SEMA6D: variants seen among roughly 807,000 people sequenced by gnomAD.
The protein encoded by SEMA6D is semaphorin 6D, also known as semaphorin-6D.
A neutral mutation model predicts 106.6 loss-of-function variants in SEMA6D; 35 were observed. The observed-to-expected ratio is 0.33, with a 90% confidence interval of 0.25 to 0.44. The LOEUF is 0.44. Ranked by LOEUF, SEMA6D falls within the 20% of genes least tolerant of loss-of-function variation. The pLI, the probability that SEMA6D is intolerant of heterozygous loss-of-function variation, is 1.00. For missense variants in SEMA6D, 1,185 were observed against 1,345.9 expected, an observed-to-expected ratio of 0.88 and a Z score of 1.87; for synonymous variants, 499 against 487.7, an observed-to-expected ratio of 1.02 and a Z score of -0.31.
intron 1 of SEMA6D, among the ~76,000 whole-genome samples, chr15:47,338,281 C>G (rs1244651503): frequency 6.6e-6 from 1 of 152,148 alleles, no homozygotes; most frequent in Non-Finnish European, 1.5e-5. Flanking sequence ...GAAAGAGGTT[C>G]AGACCACTGT....
chr15:47,309,688 T>C (rs1435628376), intron 1 of SEMA6D, among the ~76,000 whole-genome samples: 1 of 152,186 alleles, frequency 6.6e-6, no homozygotes, highest in Non-Finnish European at 1.5e-5. Flanking sequence ...CCTGACATAC[T>C]GTACATCTTA....
chr15:47,685,710 G>A (rs1007790851), intron 4 of SEMA6D, among the ~76,000 whole-genome samples: 1 of 152,138 alleles, frequency 6.6e-6, no homozygotes, highest in African/African-American at 2.4e-5. Flanking sequence ...AACCAACACA[G>A]CTATGGTAGA....
At chr15:47,225,141 A>G (rs2031547824) in intron 1 of SEMA6D, among the ~76,000 whole-genome samples, 2 of 151,932 alleles carry the variant, frequency 1.3e-5, no homozygotes, top group South Asian at 4.1e-4. Flanking sequence ...GACTTGAGGA[A>G]GAAGGTACAA....
chr15:47,707,865 C>G (rs2078942842), intron 4 of SEMA6D, among the ~76,000 whole-genome samples: 1 of 152,200 alleles, frequency 6.6e-6, no homozygotes, highest in Admixed American at 6.5e-5. Context: ...ATTATCCCCC[C>G]ATTAACCTTT....
intron 3 of SEMA6D, among the ~76,000 whole-genome samples, chr15:47,585,223 A>G (rs375850188): frequency 2.0e-5 from 3 of 152,244 alleles, no homozygotes; most frequent in East Asian, 3.8e-4. Flanking sequence ...AAGTGCATCA[A>G]AATGGAAATT....
chr15:47,764,574 T>C, intron 11 of SEMA6D, 64 bp from the exon 12 acceptor site: 1 of 1,588,864 alleles, frequency 6.3e-7, no homozygotes, highest in Non-Finnish European at 8.6e-7. Context: ...ACTTATTCCT[T>C]AGATACAGTA....
intron 4 of SEMA6D, among the ~76,000 whole-genome samples, chr15:47,620,662 G>C (rs866374675): frequency 6.6e-6 from 1 of 151,678 alleles, no homozygotes; most frequent in East Asian, 1.9e-4. Flanking sequence ...GGAAGTGGTC[G>C]TTGTGGCTGA....
At chr15:47,360,799 A>G (rs1202099217) in intron 1 of SEMA6D, among the ~76,000 whole-genome samples, 1 of 152,274 alleles carries the variant, frequency 6.6e-6, no homozygotes, top group Non-Finnish European at 1.5e-5. Context: ...AATGAATATG[A>G]AAGAAAGTAA....
intron 4 of SEMA6D, among the ~76,000 whole-genome samples, chr15:47,617,431 G>C (rs1478228772): frequency 6.6e-6 from 1 of 152,154 alleles, no homozygotes; most frequent in Non-Finnish European, 1.5e-5. Context: ...GAAGGGGTCA[G>C]TAAAAACTTC....
intron 1 of SEMA6D, among the ~76,000 whole-genome samples, chr15:47,203,437 GTTC>G (rs1566923498): frequency 6.6e-6 from 1 of 152,182 alleles, no homozygotes; most frequent in Admixed American, 6.5e-5. Flanking sequence ...TTTTTCATCT[GTTC>G]TTCTGAGGGC....
At chr15:47,695,234 A>G (rs902567140) in intron 4 of SEMA6D, among the ~76,000 whole-genome samples, 4 of 152,232 alleles carry the variant, frequency 2.6e-5, no homozygotes, top group African/African-American at 9.6e-5. Flanking sequence ...TTTCAAAGGC[A>G]GAAAAGAAAA....
At chr15:47,290,978 T>G (rs983519850) in intron 1 of SEMA6D, among the ~76,000 whole-genome samples, 2 of 152,236 alleles carry the variant, frequency 1.3e-5, no homozygotes, top group African/African-American at 2.4e-5. Context: ...TGATACCGTC[T>G]CTTGTAATGA....
At chr15:47,262,164 C>A (rs750935302) in intron 1 of SEMA6D, among the ~76,000 whole-genome samples, 1 of 152,050 alleles carries the variant, frequency 6.6e-6, no homozygotes, top group Non-Finnish European at 1.5e-5. Flanking sequence ...AACGACAAAC[C>A]ACTGCTCAAA....
intron 3 of SEMA6D, among the ~76,000 whole-genome samples, chr15:47,475,791 T>C (rs1290067591): frequency 6.6e-6 from 1 of 152,242 alleles, no homozygotes; most frequent in African/African-American, 2.4e-5. Context: ...AATTACTTTT[T>C]CCAAAGTTTG....
At chr15:47,381,669 A>G (rs898333203) in intron 1 of SEMA6D, among the ~76,000 whole-genome samples, 1 of 152,238 alleles carries the variant, frequency 6.6e-6, no homozygotes, top group African/African-American at 2.4e-5. Context: ...GATGAGTAAA[A>G]TAACAGTTGT....
intron 16 of SEMA6D, 117 bp downstream of exon 16, chr15:47,766,794 C>G: frequency 1.3e-6 from 1 of 743,612 alleles, no homozygotes; most frequent in Non-Finnish European, 2.2e-6. Flanking sequence ...TAGCATTTAA[C>G]TTAAACTTCG....
chr15:47,449,665 G>T (rs779540028), intron 2 of SEMA6D, among the ~76,000 whole-genome samples: 7 of 152,038 alleles, frequency 4.6e-5, no homozygotes, highest in Non-Finnish European at 1.0e-4. Context: ...GCTTCACATC[G>T]TACATGGAAT....
intron 1 of SEMA6D, among the ~76,000 whole-genome samples, chr15:47,304,319 C>T (rs2142998854): frequency 6.6e-6 from 1 of 151,454 alleles, no homozygotes; most frequent in South Asian, 2.1e-4. Flanking sequence ...GGTGGCGGGT[C>T]CCTGTAACCC....
At chr15:47,379,791 C>G (rs1192664111) in intron 1 of SEMA6D, among the ~76,000 whole-genome samples, 1 of 152,004 alleles carries the variant, frequency 6.6e-6, no homozygotes, top group Non-Finnish European at 1.5e-5. Flanking sequence ...GAGTTTTGCT[C>G]TCGTTGCCCA....
Sources: gnomAD v4.1 joint callset for allele counts (sites outside exome capture counted in the v4.1 genomes callset) on GRCh38, gnomAD v4.1.1 for gene constraint, MANE v1.5 for transcripts, NCBI Gene and HGNC (gene_info 2026-07-23, HGNC 2026-07-21) for gene names.